Variants in ZNF804A observed in about 807,000 individuals in gnomAD.
ZNF804A encodes zinc finger protein 804A.
ZNF804A carries 2 observed loss-of-function variants against 16.5 expected under a neutral mutation model. The observed-to-expected ratio is 0.12, with a 90% confidence interval of 0.05 to 0.38. The LOEUF (loss-of-function observed/expected upper bound fraction) is 0.38. Among genes scored for constraint, ZNF804A ranks in the 10% least tolerant of loss-of-function variants. The pLI is 0.99. For missense variants in ZNF804A, 1,473 were observed against 1,390.7 expected, an observed-to-expected ratio of 1.06 and a Z score of -0.94; for synonymous variants, 534 against 489.6, an observed-to-expected ratio of 1.09 and a Z score of -1.20.
chr2:184,603,729 C>G (rs972173701), intron 1 of ZNF804A, among the ~76,000 whole-genome samples: 3 of 152,108 alleles, frequency 2.0e-5, no homozygotes, highest in Non-Finnish European at 4.4e-5. Flanking sequence ...TATCTTCATA[C>G]CTTCCCACTT....
chr2:184,725,881 T>C (rs970680095), intron 1 of ZNF804A, among the ~76,000 whole-genome samples: 3 of 151,822 alleles, frequency 2.0e-5, no homozygotes, highest in East Asian at 3.9e-4. Flanking sequence ...AGAAATCATA[T>C]AGTTTCTGAA....
intron 1 of ZNF804A, among the ~76,000 whole-genome samples, chr2:184,730,436 T>C (rs1475382543): frequency 5.3e-5 from 8 of 152,204 alleles, no homozygotes; most frequent in African/African-American, 9.6e-5. Flanking sequence ...TTATACATTC[T>C]ATGGGTTTTG....
At chr2:184,786,359 T>C (rs186274186) in intron 1 of ZNF804A, among the ~76,000 whole-genome samples, 1 of 152,158 alleles carries the variant, frequency 6.6e-6, no homozygotes, top group East Asian at 1.9e-4. Flanking sequence ...ATAACTTTTT[T>C]TATATTTTGT....
chr2:184,821,217 CAT>C (rs1695075731), intron 1 of ZNF804A, among the ~76,000 whole-genome samples: 1 of 151,956 alleles, frequency 6.6e-6, no homozygotes, highest in African/African-American at 2.4e-5. Flanking sequence ...AAGACAGACA[CAT>C]AGACCAATGG....
At chr2:184,686,417 A>G (rs919860121) in intron 1 of ZNF804A, among the ~76,000 whole-genome samples, 2 of 152,216 alleles carry the variant, frequency 1.3e-5, no homozygotes, top group East Asian at 1.9e-4. Flanking sequence ...CATCATATGT[A>G]CCACACTTTC....
chr2:184,756,963 A>T (rs928201315), intron 1 of ZNF804A, among the ~76,000 whole-genome samples: 1 of 152,012 alleles, frequency 6.6e-6, no homozygotes, highest in Non-Finnish European at 1.5e-5. Flanking sequence ...CCATCTTTCT[A>T]AACAGTTATT....
chr2:184,721,843 T>C (rs1194052668), intron 1 of ZNF804A, among the ~76,000 whole-genome samples: 1 of 152,118 alleles, frequency 6.6e-6, no homozygotes, highest in Admixed American at 6.6e-5. Flanking sequence ...CAGCCTAATG[T>C]CTATCAATGA....
Position 184,936,460 on chromosome 2 carries a change from T to C in ZNF804A, c.1064T>C (p.Leu355Ser), listed in dbSNP as rs779541799. The C allele has an allele frequency of 1.9e-6, 3 of 1,613,962 alleles. No individual in the cohort carries two copies. The Admixed American group carries it at 5.0e-5, about 27-fold the overall frequency. Residue 355 changes from leucine to serine, a missense_variant, in exon 4 of 4, where the codon TTG (leucine) becomes TCG (serine). Leu to Ser is a moderately radical substitution (Grantham distance 145). Transcript: ENST00000302277. ...CCTGTTAGTGGTAACAGTTTTGAGT[T>C]GTTAGGAAATAAATCCACAGTTCTT... ...DIPVSGNSFE[L>S]LGNKSTVLDM... is the part of the protein sequence containing the mutation.
intron 1 of ZNF804A, among the ~76,000 whole-genome samples, chr2:184,733,248 T>C (rs1216729712): frequency 6.6e-6 from 1 of 152,118 alleles, no homozygotes; most frequent in Non-Finnish European, 1.5e-5. Context: ...GGGTGTTGAA[T>C]TTTCTCAAAA....
intron 1 of ZNF804A, among the ~76,000 whole-genome samples, chr2:184,730,499 C>G (rs1181641509): frequency 6.6e-6 from 1 of 152,104 alleles, no homozygotes; most frequent in African/African-American, 2.4e-5. Flanking sequence ...AGAGTAATTT[C>G]ACTTCCCTAA....
chr2:184,678,508 G>A (rs748326665), intron 1 of ZNF804A, among the ~76,000 whole-genome samples: 7 of 152,090 alleles, frequency 4.6e-5, no homozygotes, highest in Non-Finnish European at 8.8e-5. Flanking sequence ...GTACTTGAAA[G>A]ACATAAGAGA....
intron 1 of ZNF804A, among the ~76,000 whole-genome samples, chr2:184,651,641 A>C (rs1691985710): frequency 6.6e-6 from 1 of 152,172 alleles, no homozygotes. Context: ...AAATAGGAAC[A>C]GACACTACTC....
At chr2:184,881,426 G>T (rs924274123) in intron 2 of ZNF804A, among the ~76,000 whole-genome samples, 8 of 151,818 alleles carry the variant, frequency 5.3e-5, no homozygotes, top group African/African-American at 1.9e-4. Context: ...CAGAGAACAA[G>T]ATACTACGTG....
At chr2:184,626,426 ACTT>A (rs1236435870) in intron 1 of ZNF804A, among the ~76,000 whole-genome samples, 10 of 152,170 alleles carry the variant, frequency 6.6e-5, no homozygotes, top group Admixed American at 3.9e-4. Context: ...TATGCTTACT[ACTT>A]GATAGAAATT....
chr2:184,615,527 A>T (rs1336271670), intron 1 of ZNF804A, among the ~76,000 whole-genome samples: 1 of 152,208 alleles, frequency 6.6e-6, no homozygotes. Flanking sequence ...AATAAAAAAA[A>T]TAAAAATTAC....
chr2:184,923,279 G>A (rs888559722), intron 2 of ZNF804A, among the ~76,000 whole-genome samples: 1 of 151,664 alleles, frequency 6.6e-6, no homozygotes, highest in Non-Finnish European at 1.5e-5. Context: ...CTTTGGTTAA[G>A]TCTGAGGTAT....
At chr2:184,833,736 G>T (rs192129340) in intron 1 of ZNF804A, among the ~76,000 whole-genome samples, 1 of 152,062 alleles carries the variant, frequency 6.6e-6, no homozygotes, top group African/African-American at 2.4e-5. Context: ...ATTATATCAG[G>T]AGGCACAAGA....
intron 1 of ZNF804A, among the ~76,000 whole-genome samples, chr2:184,629,173 T>C (rs1369937454): frequency 6.6e-6 from 1 of 152,172 alleles, no homozygotes; most frequent in Non-Finnish European, 1.5e-5. Flanking sequence ...AGTATATTCC[T>C]TTGTTGATTT....
intron 2 of ZNF804A, among the ~76,000 whole-genome samples, chr2:184,922,168 T>A (rs1356943020): frequency 6.6e-6 from 1 of 152,074 alleles, no homozygotes; most frequent in African/African-American, 2.4e-5. Context: ...ATTTTTAGTT[T>A]TTTAAGTTAC....
Sources: gnomAD v4.1 joint callset for allele counts (sites outside exome capture counted in the v4.1 genomes callset) on GRCh38, gnomAD v4.1.1 for gene constraint, MANE v1.5 for transcripts, NCBI Gene and HGNC (gene_info 2026-07-23, HGNC 2026-07-21) for gene names.